PLEKHA7: variants seen among roughly 807,000 people sequenced by gnomAD.
The protein encoded by PLEKHA7 is pleckstrin homology domain-containing family A member 7.
Under a neutral mutation model 170.0 loss-of-function variants are expected in PLEKHA7, and 104 were observed. The ratio of observed to expected loss-of-function variants is 0.61; its 90% CI spans 0.52 to 0.72. PLEKHA7 has a LOEUF of 0.72. PLEKHA7 is among the 30% of genes least tolerant of loss of function. PLEKHA7 has a pLI of 0.00. For missense variants in PLEKHA7, 1,615 were observed against 1,671.7 expected (o/e 0.97, Z 0.59); for synonymous variants, 648 against 660.8 (o/e 0.98, Z 0.30).
In PLEKHA7 at chr11:16,778,718, G is replaced by GA. The variant is rs1564893335; in HGVS notation, c.*279dup. ...CTTCCTGCCACTCAGCCCTTGAGGG[G>GA]AACATTAGAAAATAGATTCCGATTC... On this transcript the variant is annotated 3_prime_UTR_variant, in exon 27 of 27. Transcript: ENST00000531066. The GA allele has an allele frequency of 2.0e-6, 1 of 505,750 alleles. No individual in the cohort carries two copies. The highest frequency in any genetic ancestry group is 3.6e-6 in the Non-Finnish European group (1 of 278,628). The allele number at this position is 505,750 out of a possible 1,614,324, so 31.3% of individuals were successfully genotyped here. A position where few individuals can be genotyped will look rare whatever the true frequency, so the allele number is the denominator to read the frequency against.
At chr11:16,987,076 T>C (rs1213898279) in intron 3 of PLEKHA7, among the ~76,000 whole-genome samples, 4 of 152,168 alleles carry the variant, frequency 2.6e-5, no homozygotes, top group Non-Finnish European at 5.9e-5. Flanking sequence ...AATGGGAAAT[T>C]TGCAGGCCTC....
intron 4 of PLEKHA7, among the ~76,000 whole-genome samples, chr11:16,869,102 T>C (rs947730627): frequency 6.6e-6 from 1 of 152,298 alleles, no homozygotes; most frequent in Non-Finnish European, 1.5e-5. Flanking sequence ...ATAAACAAAT[T>C]CATTCTGAGC....
At chr11:16,886,081 A>C (rs1049965257) in intron 3 of PLEKHA7, among the ~76,000 whole-genome samples, 1 of 152,218 alleles carries the variant, frequency 6.6e-6, no homozygotes, top group Admixed American at 6.5e-5. Flanking sequence ...AAAATCCAGA[A>C]AGATACCACC....
At chr11:16,792,736 C>A (rs111950210) in intron 19 of PLEKHA7, among the ~76,000 whole-genome samples, 5,570 of 152,196 alleles carry the variant, frequency 0.037, 119 homozygotes, top group Middle Eastern at 0.1. Context: ...TGTTTTATGT[C>A]ATTTTCAGGA....
At chr11:16,914,663 C>T (rs957291927) in intron 3 of PLEKHA7, among the ~76,000 whole-genome samples, 3 of 152,124 alleles carry the variant, frequency 2.0e-5, no homozygotes, top group Non-Finnish European at 4.4e-5. Flanking sequence ...TGGATTAACC[C>T]CGGGAAATAC....
intron 4 of PLEKHA7, among the ~76,000 whole-genome samples, chr11:16,870,060 T>C (rs1854704680): frequency 6.6e-6 from 1 of 152,192 alleles, no homozygotes; most frequent in South Asian, 2.1e-4. Flanking sequence ...CTGCTTGGGC[T>C]GTACATGTAT....
intron 3 of PLEKHA7, among the ~76,000 whole-genome samples, chr11:16,951,178 T>C (rs1300833040): frequency 6.6e-6 from 1 of 152,232 alleles, no homozygotes; most frequent in Non-Finnish European, 1.5e-5. Flanking sequence ...GCATTACGTA[T>C]CTTACCCAGT....
At chr11:16,846,300 A>C (rs1348356973) in intron 8 of PLEKHA7, among the ~76,000 whole-genome samples, 1 of 152,114 alleles carries the variant, frequency 6.6e-6, no homozygotes, top group Non-Finnish European at 1.5e-5. Flanking sequence ...AAAAGGAAAG[A>C]AAAAAGGAAA....
intron 3 of PLEKHA7, among the ~76,000 whole-genome samples, chr11:16,978,543 T>G (rs944824397): frequency 6.6e-6 from 1 of 152,252 alleles, no homozygotes; most frequent in African/African-American, 2.4e-5. Flanking sequence ...TCATTTGATG[T>G]ACATGTGTAT....
At position 16,795,009 on chromosome 11, in the gene PLEKHA7, G is replaced by T; in HGVS notation, c.2419C>A (p.Gln807Lys). 6.2e-7 allele frequency: 1 copy of T among 1,612,444 alleles called. No individual in the cohort carries two copies. The highest frequency in any genetic ancestry group is 8.5e-7 in the Non-Finnish European group (1 of 1,178,486). ...ATTCTCCATAGATCTTTCTGTATCTGCGATTTCTCCTGAGGAAGACGAAGT... is the reference window on the plus strand; with the variant it reads ...ATTCTCCATAGATCTTTCTGTATCTTCGATTTCTCCTGAGGAAGACGAAGT... ...RRAFFFQEKSQIQKDLWRIED... is the reference protein window; with the variant it reads ...RRAFFFQEKSKIQKDLWRIED... Residue 807 changes from glutamine to lysine, a missense_variant, in exon 18 of 27, where the codon CAG (glutamine) becomes AAG (lysine). Physicochemically the swap from Gln to Lys is moderately conservative, Grantham distance 53 (BLOSUM62 1). Coordinates refer to ENST00000531066, the MANE Select transcript of PLEKHA7 (RefSeq NM_001329630.2).
intron 8 of PLEKHA7, among the ~76,000 whole-genome samples, chr11:16,849,883 A>T (rs1341154710): frequency 1.3e-5 from 2 of 152,192 alleles, no homozygotes; most frequent in Non-Finnish European, 2.9e-5. Context: ...GCGTCACTCG[A>T]GGGAAACACA....
chr11:16,821,470 G>T (rs1305844379), intron 10 of PLEKHA7, among the ~76,000 whole-genome samples: 2 of 152,166 alleles, frequency 1.3e-5, no homozygotes, highest in South Asian at 4.1e-4. Flanking sequence ...AGTTTAATGT[G>T]AAATTTGTAT....
At chr11:17,004,391 C>A (rs1590831239) in intron 3 of PLEKHA7, among the ~76,000 whole-genome samples, 1 of 98,838 alleles carries the variant, frequency 1.0e-5, no homozygotes, top group Non-Finnish European at 2.2e-5. Flanking sequence ...TTTCCTTTTT[C>A]TTTTTCTTTT....
chr11:16,808,625 C>T (rs188280771), intron 13 of PLEKHA7, among the ~76,000 whole-genome samples: 145 of 152,346 alleles, frequency 9.5e-4, no homozygotes, highest in African/African-American at 3.4e-3. Context: ...ACATCCCTCA[C>T]TGAAGACAAA....
Position 16,791,961 on chromosome 11 carries a change from C to T in PLEKHA7, c.2746-762G>A, listed in dbSNP as rs370273379. 1.4e-4 allele frequency among the ~76,000 whole-genome samples: 21 copies of T among 152,296 alleles called. No individual in the cohort carries two copies. Among genetic ancestry groups the T allele is most frequent in the South Asian group, 1.2e-3 (6 of 4,826 alleles). ...CAGGACTAACGACCATCATGCCTTC[C>T]ACCTCCTAAATTCCCTCTTTCTCGG... On this transcript the variant is annotated intron_variant, in intron 19 of 26. Coordinates refer to ENST00000531066, the MANE Select transcript of PLEKHA7 (RefSeq NM_001329630.2). The surrounding 1 kb of genome is among the most constrained non-coding windows in gnomAD (Gnocchi z 4.5).
chr11:16,954,855 T>TA (rs1861611414), intron 3 of PLEKHA7, among the ~76,000 whole-genome samples: 1 of 151,992 alleles, frequency 6.6e-6, no homozygotes, highest in Non-Finnish European at 1.5e-5. Flanking sequence ...CACACCCGGC[T>TA]AATTTTTTGT....
At chr11:16,825,571 A>G (rs553749540) in intron 10 of PLEKHA7, among the ~76,000 whole-genome samples, 1 of 152,370 alleles carries the variant, frequency 6.6e-6, no homozygotes, top group East Asian at 1.9e-4. Context: ...ATAATAAAAT[A>G]CAGACAGTGC....
chr11:16,887,066 C>T (rs949805801), intron 3 of PLEKHA7, among the ~76,000 whole-genome samples: 6 of 151,920 alleles, frequency 3.9e-5, no homozygotes, highest in Non-Finnish European at 5.9e-5. Flanking sequence ...TGAAAAACAA[C>T]ACAAATCAGA....
chr11:16,834,104 G>A (rs563143199), intron 9 of PLEKHA7, among the ~76,000 whole-genome samples: 6 of 152,184 alleles, frequency 3.9e-5, no homozygotes, highest in Admixed American at 1.3e-4. Flanking sequence ...TCCTCCTCCC[G>A]GGTTCAAGCG....
Sources: gnomAD v4.1 joint callset for allele counts (sites outside exome capture counted in the v4.1 genomes callset) on GRCh38, gnomAD v4.1.1 for gene constraint, Gnocchi (gnomAD v3.1) non-coding constraint, MANE v1.5 for transcripts, NCBI Gene and HGNC (gene_info 2026-07-23, HGNC 2026-07-21) for gene names.